ZCCHC7: variants seen among roughly 807,000 people sequenced by gnomAD.
The protein encoded by ZCCHC7 is zinc finger CCHC domain-containing protein 7.
ZCCHC7 carries 35 observed loss-of-function variants against 52.0 expected under a neutral mutation model. That is an observed-to-expected ratio of 0.67 (90% CI 0.51 to 0.89). The LOEUF (loss-of-function observed/expected upper bound fraction) is 0.89. Ranked by LOEUF, ZCCHC7 falls within the 40% of genes least tolerant of loss-of-function variation. ZCCHC7 has a pLI of 0.00. For missense variants in ZCCHC7, 574 were observed against 649.1 expected (o/e 0.88, Z 1.26); for synonymous variants, 217 against 221.5 (o/e 0.98, Z 0.18).
chr9:37,318,164 T>C (rs1829901934), intron 5 of ZCCHC7, among the ~76,000 whole-genome samples: 1 of 151,932 alleles, frequency 6.6e-6, no homozygotes, highest in African/African-American at 2.4e-5. Context: ...TGAGGATGAC[T>C]TGCCTTACAA....
At chr9:37,308,052 T>A (rs6476622) in intron 5 of ZCCHC7, among the ~76,000 whole-genome samples, 52,376 of 152,002 alleles carry the variant, frequency 0.34, 9,264 homozygotes, top group Middle Eastern at 0.41. Context: ...TCTTTAAAAT[T>A]TTTGGCTGGT....
intron 2 of ZCCHC7, among the ~76,000 whole-genome samples, chr9:37,183,077 C>G (rs899759794): frequency 6.6e-6 from 1 of 152,090 alleles, no homozygotes; most frequent in African/African-American, 2.4e-5. Context: ...ATATTAAAAT[C>G]AATGTAAACA....
intron 2 of ZCCHC7, among the ~76,000 whole-genome samples, chr9:37,292,939 G>T (rs975562245): frequency 6.6e-6 from 1 of 152,156 alleles, no homozygotes; most frequent in Admixed American, 6.5e-5. Context: ...CAAAGTACTG[G>T]CTTGGAAAGA....
In ZCCHC7 at chr9:37,128,147, A is replaced by G. The variant is rs117371220; in HGVS notation, c.610+1205A>G. 3.1e-3 allele frequency among the ~76,000 whole-genome samples: 471 copies of G among 152,278 alleles called. 1 individual carries two copies. The highest frequency in any genetic ancestry group is 5.2e-3 in the Non-Finnish European group (355 of 68,004). ...AAGAAACTTGTGAAGGAGAGACTAA[A>G]CCTGTTTGATGGATTGGGTTGGGGG... On this transcript the variant is annotated intron_variant, in intron 2 of 8. Coordinates refer to ENST00000336755, the MANE Select transcript of ZCCHC7 (RefSeq NM_032226.3).
intron 2 of ZCCHC7, among the ~76,000 whole-genome samples, chr9:37,293,242 T>TA (rs1828620655): frequency 6.6e-6 from 1 of 151,816 alleles, no homozygotes; most frequent in South Asian, 2.1e-4. Context: ...AAATCTGACC[T>TA]AAAAAAAATT....
At chr9:37,332,382 G>A (rs1830482484) in intron 6 of ZCCHC7, among the ~76,000 whole-genome samples, 1 of 151,204 alleles carries the variant, frequency 6.6e-6, no homozygotes, top group Non-Finnish European at 1.5e-5. Context: ...AAGCATTGAT[G>A]ACTTGTAATA....
chr9:37,160,830 G>A (rs1338100515), intron 2 of ZCCHC7, among the ~76,000 whole-genome samples: 2 of 152,004 alleles, frequency 1.3e-5, no homozygotes, highest in African/African-American at 2.4e-5. Context: ...AGGTTGCAGT[G>A]AACCGAGATC....
At chr9:37,249,456 CTTTTTTTT>C (rs60166399) in intron 2 of ZCCHC7, among the ~76,000 whole-genome samples, 34 of 111,260 alleles carry the variant, frequency 3.1e-4, no homozygotes, top group Non-Finnish European at 5.4e-4. Flanking sequence ...CTTCTTCTTC[CTTTTTTTT>C]TTTTTTTTTT....
chr9:37,283,671 A>G (rs2133582690), intron 2 of ZCCHC7, among the ~76,000 whole-genome samples: 1 of 152,300 alleles, frequency 6.6e-6, no homozygotes, highest in Non-Finnish European at 1.5e-5. Flanking sequence ...CCTCAGTTAG[A>G]TCATAGTAAT....
intron 2 of ZCCHC7, among the ~76,000 whole-genome samples, chr9:37,218,463 C>T (rs1299443163): frequency 6.6e-6 from 1 of 152,162 alleles, no homozygotes; most frequent in Non-Finnish European, 1.5e-5. Flanking sequence ...ATTCATTCCC[C>T]CCTGTGTTTA....
intron 2 of ZCCHC7, among the ~76,000 whole-genome samples, chr9:37,138,597 A>C (rs1843092671): frequency 6.6e-6 from 1 of 152,086 alleles, no homozygotes; most frequent in African/African-American, 2.4e-5. Flanking sequence ...TACTAAATTC[A>C]TTGGAAACTG....
At chr9:37,191,074 C>T (rs1177935817) in intron 2 of ZCCHC7, among the ~76,000 whole-genome samples, 1 of 152,048 alleles carries the variant, frequency 6.6e-6, no homozygotes, top group African/African-American at 2.4e-5. Context: ...GGAAACTGTC[C>T]CGTTTCAGGG....
At chr9:37,287,700 T>G (rs1049646603) in intron 2 of ZCCHC7, among the ~76,000 whole-genome samples, 15 of 152,192 alleles carry the variant, frequency 9.9e-5, no homozygotes, top group African/African-American at 3.6e-4. Context: ...AAAGTACCTT[T>G]TTTGCATTTT....
intron 2 of ZCCHC7, among the ~76,000 whole-genome samples, chr9:37,297,963 G>T (rs1371476533): frequency 1.3e-5 from 2 of 152,154 alleles, no homozygotes; most frequent in Non-Finnish European, 2.9e-5. Context: ...TCCCCAGAAC[G>T]TTTGAAATGT....
At chr9:37,160,341 C>T (rs948211169) in intron 2 of ZCCHC7, 7 of 152,178 alleles carry the variant, frequency 4.6e-5, no homozygotes, top group African/African-American at 1.4e-4. Flanking sequence ...GAGACTTCAT[C>T]TCTACTAAAA....
At chr9:37,235,615 C>G (rs1207199562) in intron 2 of ZCCHC7, among the ~76,000 whole-genome samples, 2 of 142,126 alleles carry the variant, frequency 1.4e-5, no homozygotes, top group Non-Finnish European at 3.0e-5. Context: ...TCTTTCAAGA[C>G]AAGTCTCACT....
intron 6 of ZCCHC7, among the ~76,000 whole-genome samples, chr9:37,329,190 C>T (rs1275952003): frequency 3.3e-5 from 5 of 151,526 alleles, no homozygotes; most frequent in Non-Finnish European, 7.4e-5. Context: ...TTAGCTTTTC[C>T]CCTAATTTAA....
intron 2 of ZCCHC7, among the ~76,000 whole-genome samples, chr9:37,237,281 ACT>A (rs956003720): frequency 6.6e-6 from 1 of 152,084 alleles, no homozygotes; most frequent in African/African-American, 2.4e-5. Context: ...CTTAAGAATA[ACT>A]CTCTGAGAAA....
At chr9:37,161,912 A>G (rs1010686823) in intron 2 of ZCCHC7, among the ~76,000 whole-genome samples, 5 of 152,162 alleles carry the variant, frequency 3.3e-5, no homozygotes, top group African/African-American at 4.8e-5. Context: ...AGAGACGGCC[A>G]GATTACTTGA....
Sources: allele counts gnomAD v4.1 joint callset (sites outside exome capture counted in the v4.1 genomes callset), GRCh38; gene constraint gnomAD v4.1.1; transcripts MANE v1.5; gene names NCBI Gene and HGNC (gene_info 2026-07-23, HGNC 2026-07-21).